The following ATG10 variants were observed in gnomAD, a reference collection of about 807,000 sequenced individuals.
ATG10 encodes the protein ubiquitin-like-conjugating enzyme ATG10.
ATG10 carries 30 observed loss-of-function variants against 32.1 expected under a neutral mutation model. The observed-to-expected ratio is 0.94, with a 90% CI of 0.70 to 1.27. The LOEUF (loss-of-function observed/expected upper bound fraction) is 1.27. Among genes scored for constraint, ATG10 ranks in the 50% most tolerant of loss-of-function variants. The probability of loss-of-function intolerance (pLI) is 0.00; values close to 1 mark genes in which losing one functional copy is unlikely to be tolerated. For missense variants in ATG10, 233 were observed against 262.3 expected (o/e 0.89, Z 0.77); for synonymous variants, 87 against 91.5 (o/e 0.95, Z 0.28).
At chr5:82,077,946 G>C (rs961874117) in intron 3 of ATG10, among the ~76,000 whole-genome samples, 1 of 152,164 alleles carries the variant, frequency 6.6e-6, no homozygotes, top group Non-Finnish European at 1.5e-5. Context: ...AATCACTCTC[G>C]TTTGATCAAT....
Position 82,118,400 on chromosome 5 carries a change from A to AT in ATG10, c.217-45998dup, listed in dbSNP as rs1554049297. On this transcript the variant is annotated intron_variant, in intron 3 of 7. Transcript: ENST00000282185. ...ATAATATATGTACATATATATATAT[A>AT]TATATGTATGTATATATTCCCTAGC... Among the ~76,000 whole-genome samples the AT allele has an allele frequency of 2.3e-4, 27 of 115,832 alleles. 1 individual carries two copies. Among genetic ancestry groups the AT allele is most frequent in the Non-Finnish European group, 4.7e-4 (25 of 52,904 alleles). The allele number at this position is 115,832 out of a possible 152,430, so 76.0% of individuals were successfully genotyped here. A position where few individuals can be genotyped will look rare whatever the true frequency, so the allele number is the denominator to read the frequency against.
chr5:82,004,667 C>T (rs202009722), intron 2 of ATG10, among the ~76,000 whole-genome samples: 2 of 152,224 alleles, frequency 1.3e-5, no homozygotes, highest in African/African-American at 4.8e-5. Flanking sequence ...GGGTGCATGA[C>T]GAGTATGCAG....
At chr5:82,129,582 C>T (rs1355119497) in intron 3 of ATG10, among the ~76,000 whole-genome samples, 1 of 152,108 alleles carries the variant, frequency 6.6e-6, no homozygotes, top group Non-Finnish European at 1.5e-5. Flanking sequence ...TTGTTGCTTT[C>T]CTTCTAATAG....
At chr5:82,088,573 T>C (rs947691606) in intron 3 of ATG10, among the ~76,000 whole-genome samples, 1 of 152,188 alleles carries the variant, frequency 6.6e-6, no homozygotes, top group Non-Finnish European at 1.5e-5. Context: ...TCCTTACATA[T>C]TGTGCTGTAG....
At chr5:82,064,608 C>T (rs72776846) in intron 3 of ATG10, among the ~76,000 whole-genome samples, 4,039 of 152,048 alleles carry the variant, frequency 0.027, 79 homozygotes, top group Middle Eastern at 0.044. Flanking sequence ...CATTTTAATT[C>T]CCCCAAAATA....
chr5:82,102,620 C>CTTG (rs1304350629), intron 3 of ATG10, among the ~76,000 whole-genome samples: 1 of 152,170 alleles, frequency 6.6e-6, no homozygotes, highest in Non-Finnish European at 1.5e-5. Flanking sequence ...ATGGCAAACA[C>CTTG]TGTTGAGTTG....
intron 5 of ATG10, among the ~76,000 whole-genome samples, chr5:82,240,029 G>A (rs1295162988): frequency 6.6e-6 from 1 of 152,134 alleles, no homozygotes; most frequent in Non-Finnish European, 1.5e-5. Flanking sequence ...GCAAATGCTG[G>A]CAAGGATGTA....
intron 4 of ATG10, among the ~76,000 whole-genome samples, chr5:82,178,053 T>C (rs1349924815): frequency 6.6e-6 from 1 of 152,166 alleles, no homozygotes; most frequent in Non-Finnish European, 1.5e-5. Context: ...TTGGACATTA[T>C]AGATACTCCA....
At chr5:82,108,999 A>T (rs1765528317) in intron 3 of ATG10, among the ~76,000 whole-genome samples, 1 of 152,112 alleles carries the variant, frequency 6.6e-6, no homozygotes, top group Non-Finnish European at 1.5e-5. Flanking sequence ...GAGCCGAAGA[A>T]AAGTCAGAGC....
chr5:82,009,159 T>C (rs1320246653), intron 2 of ATG10, among the ~76,000 whole-genome samples: 2 of 152,198 alleles, frequency 1.3e-5, no homozygotes, highest in African/African-American at 4.8e-5. Context: ...AAAAGACTCT[T>C]TCTCCTGAAC....
In ATG10 at chr5:82,039,262, A is replaced by G. The variant is rs914124208; in HGVS notation, c.109-19233A>G. Among the ~76,000 whole-genome samples, 3 of 152,354 alleles carry G rather than the reference A, an allele frequency of 2.0e-5. No homozygotes were observed. The South Asian group carries it at 6.2e-4, about 32-fold the overall frequency. On this transcript the variant is annotated intron_variant, in intron 2 of 7. Transcript: ENST00000282185. Reference sequence around the variant, plus strand: ...GGGATAGAATGTTACATAGATTAGCAATATCATTCATTCCATGAGTCACTT... The same window carrying G: ...GGGATAGAATGTTACATAGATTAGCGATATCATTCATTCCATGAGTCACTT...
intron 5 of ATG10, among the ~76,000 whole-genome samples, chr5:82,215,211 A>T (rs916548246): frequency 1.3e-5 from 2 of 152,140 alleles, no homozygotes; most frequent in African/African-American, 2.4e-5. Context: ...CCTCAGTTAT[A>T]TGCCATGTGG....
rs182229512 is a variant in ATG10, at chr5:82,015,157, C to A, written c.108+27479C>A. Among the ~76,000 whole-genome samples, 21 of 152,008 alleles carry A rather than the reference C, an allele frequency of 1.4e-4. 1 individual carries two copies. The East Asian group carries it at 4.0e-3, about 29-fold the overall frequency. On this transcript the variant is annotated intron_variant, in intron 2 of 7. Coordinates refer to ENST00000282185, the MANE Select transcript of ATG10 (RefSeq NM_031482.5). Reference sequence around the variant, plus strand: ...TTTAAGAATGTTGAATATTGGCCTCCACTCTCTCCTGGCTTGTAGAGTTTC... The same window carrying A: ...TTTAAGAATGTTGAATATTGGCCTCAACTCTCTCCTGGCTTGTAGAGTTTC...
At chr5:82,118,121 G>A (rs994442370) in intron 3 of ATG10, among the ~76,000 whole-genome samples, 3 of 151,696 alleles carry the variant, frequency 2.0e-5, no homozygotes, top group Admixed American at 6.6e-5. Flanking sequence ...GGAAATTGAT[G>A]GTAAAGGAAA....
intron 5 of ATG10, among the ~76,000 whole-genome samples, chr5:82,211,674 A>G (rs1183573818): frequency 6.6e-6 from 1 of 152,176 alleles, no homozygotes; most frequent in African/African-American, 2.4e-5. Context: ...TCCCTGTGGA[A>G]AATCTCCAGC....
At chr5:82,000,033 A>G in intron 2 of ATG10, among the ~76,000 whole-genome samples, 1 of 152,202 alleles carries the variant, frequency 6.6e-6, no homozygotes, top group East Asian at 1.9e-4. Flanking sequence ...TTCCAGGCCA[A>G]TATCCTTGAT....
chr5:82,197,760 A>ATCTATCTATCTATCTATCTG (rs1554056725), intron 5 of ATG10, among the ~76,000 whole-genome samples: 2 of 147,266 alleles, frequency 1.4e-5, no homozygotes, highest in African/African-American at 5.2e-5. Context: ...CTATCTATCT[A>ATCTATCTATCTATCTATCTG]TCTATCTATC....
chr5:82,177,999 G>A (rs538279421), intron 4 of ATG10, among the ~76,000 whole-genome samples: 8 of 152,216 alleles, frequency 5.3e-5, no homozygotes, highest in South Asian at 4.2e-4. Context: ...GAGAAATTGC[G>A]TGTTTTTCTT....
chr5:82,201,142 C>T (rs1745055806), intron 5 of ATG10, among the ~76,000 whole-genome samples: 1 of 152,060 alleles, frequency 6.6e-6, no homozygotes, highest in African/African-American at 2.4e-5. Flanking sequence ...ACCTCAGCCT[C>T]CCAAAGTGCT....
Sources: allele counts gnomAD v4.1 joint callset (sites outside exome capture counted in the v4.1 genomes callset), GRCh38; gene constraint gnomAD v4.1.1; transcripts MANE v1.5; gene names NCBI Gene and HGNC (gene_info 2026-07-23, HGNC 2026-07-21).